ABCC4: variants seen among roughly 807,000 people sequenced by gnomAD.
ABCC4 encodes ATP binding cassette subfamily C member 4 (PEL blood group).
ABCC4 carries 102 observed loss-of-function variants against 168.5 expected under a neutral mutation model. The observed-to-expected ratio is 0.61, with a 90% confidence interval of 0.52 to 0.71. The LOEUF (loss-of-function observed/expected upper bound fraction) is 0.71. ABCC4 is among the 30% of genes least tolerant of loss of function. ABCC4 has a pLI of 0.00. For missense variants in ABCC4, 1,402 were observed against 1,605.8 expected (o/e 0.87, Z 2.17); for synonymous variants, 617 against 590.7 (o/e 1.04, Z -0.65).
At chr13:95,202,644 CTTTTTT>C (rs10603210) in intron 8 of ABCC4, among the ~76,000 whole-genome samples, 4 of 93,066 alleles carry the variant, frequency 4.3e-5, no homozygotes, top group Admixed American at 2.5e-4. Flanking sequence ...AGAATGTGCA[CTTTTTT>C]TTTTTTTTTT....
intron 21 of ABCC4, among the ~76,000 whole-genome samples, chr13:95,081,812 C>T (rs1236828940): frequency 2.0e-4 from 31 of 151,974 alleles, no homozygotes; most frequent in Admixed American, 2.0e-3. Context: ...ACCAGCCTGG[C>T]CAACATGGTG....
intron 8 of ABCC4, among the ~76,000 whole-genome samples, chr13:95,196,589 GA>G (rs2038430976): frequency 0.016 from 30 of 1,866 alleles, no homozygotes; most frequent in Non-Finnish European, 0.047. Flanking sequence ...AAGGAGGAAG[GA>G]AGGAAGGAAG....
chr13:95,069,420 T>C (rs1289117612), intron 25 of ABCC4, among the ~76,000 whole-genome samples: 2 of 152,116 alleles, frequency 1.3e-5, no homozygotes, highest in Non-Finnish European at 2.9e-5. Flanking sequence ...TGTGGTAAAA[T>C]ACACAAAAGG....
intron 19 of ABCC4, among the ~76,000 whole-genome samples, chr13:95,124,236 A>G (rs1053429892): frequency 1.3e-5 from 2 of 152,216 alleles, no homozygotes; most frequent in Non-Finnish European, 2.9e-5. Context: ...TGGAGAAAGT[A>G]GTCCACAGAA....
At position 95,298,307 on chromosome 13, in the gene ABCC4, A is replaced by C. The variant is rs190486661; in HGVS notation, c.74+2934T>G. 1.1e-4 allele frequency among the ~76,000 whole-genome samples: 16 copies of C among 152,302 alleles called. No homozygotes were observed. In the East Asian group the frequency reaches 3.1e-3, roughly 29 times the overall value. On this transcript the variant is annotated intron_variant, in intron 1 of 30. Coordinates refer to ENST00000645237, the MANE Select transcript of ABCC4 (RefSeq NM_005845.5). ...ACAGAGAAAGACTCCGTCTCAAAAAAAAGAAATAAAGAAATTTTAACAATT... is the reference window on the plus strand; with the variant it reads ...ACAGAGAAAGACTCCGTCTCAAAAACAAGAAATAAAGAAATTTTAACAATT...
intron 27 of ABCC4, among the ~76,000 whole-genome samples, chr13:95,049,114 A>G (rs1462534879): frequency 1.3e-5 from 2 of 152,084 alleles, no homozygotes; most frequent in African/African-American, 4.8e-5. Context: ...CAGGCAGATC[A>G]CTTGAGGTCA....
chr13:95,184,391 GT>G (rs1275497168), intron 11 of ABCC4, among the ~76,000 whole-genome samples: 1 of 152,160 alleles, frequency 6.6e-6, no homozygotes, highest in Non-Finnish European at 1.5e-5. Flanking sequence ...TCACCTAATT[GT>G]TAAAATAGTT....
At chr13:95,249,903 G>A (rs1203713032) in intron 1 of ABCC4, among the ~76,000 whole-genome samples, 1 of 152,140 alleles carries the variant, frequency 6.6e-6, no homozygotes, top group Non-Finnish European at 1.5e-5. Flanking sequence ...ATATTAACAA[G>A]GAGGGATGCC....
chr13:95,020,026 C>T lies in ABCC4; in HGVS notation c.*1549G>A, dbSNP rs2031004880. The T allele has an allele frequency of 6.6e-6, 1 of 152,154 alleles. No individual in the cohort carries two copies. Among genetic ancestry groups the T allele is most frequent in the African/African-American group, 2.4e-5 (1 of 41,430 alleles). The allele number at this position is 152,154 out of a possible 1,614,324, so 9.4% of individuals were successfully genotyped here. ...ATGATCACTGATGCAATTTCAGTCA[C>T]CTAAAATACGAACCATGACTATTAA... On this transcript the variant is annotated 3_prime_UTR_variant, in exon 31 of 31. Coordinates refer to ENST00000645237, the MANE Select transcript of ABCC4 (RefSeq NM_005845.5).
intron 27 of ABCC4, among the ~76,000 whole-genome samples, chr13:95,044,675 T>C (rs1351267684): frequency 6.6e-6 from 1 of 152,200 alleles, no homozygotes; most frequent in Admixed American, 6.5e-5. Context: ...TGCTCCTTTA[T>C]CACCATCAGC....
At chr13:95,106,585 T>C (rs998483179) in intron 20 of ABCC4, among the ~76,000 whole-genome samples, 2 of 151,882 alleles carry the variant, frequency 1.3e-5, no homozygotes, top group African/African-American at 4.8e-5. Flanking sequence ...GACAGTGAGA[T>C]GGTCACCTTC....
intron 4 of ABCC4, among the ~76,000 whole-genome samples, chr13:95,218,876 A>ATG (rs1437418134): frequency 1.5e-5 from 2 of 132,560 alleles, no homozygotes; most frequent in African/African-American, 6.3e-5. Context: ...AAAAGAAAAG[A>ATG]AAAGAGACAG....
intron 6 of ABCC4, among the ~76,000 whole-genome samples, chr13:95,208,608 CTTTTTTTTTTTTTTTTT>C (rs58749262): frequency 5.4e-5 from 4 of 74,636 alleles, no homozygotes; most frequent in Non-Finnish European, 2.3e-5. Context: ...AGCTGTATTT[CTTTTTTTTTTTTTTTTT>C]TTTTTTTTTT....
At chr13:95,056,310 C>T (rs1042512629) in intron 26 of ABCC4, among the ~76,000 whole-genome samples, 17 of 152,178 alleles carry the variant, frequency 1.1e-4, no homozygotes, top group Non-Finnish European at 1.9e-4. Context: ...AGCTCATCTC[C>T]CTGTGTCAAG....
At chr13:95,182,623 C>T (rs1313867489) in intron 11 of ABCC4, among the ~76,000 whole-genome samples, 4 of 152,150 alleles carry the variant, frequency 2.6e-5, no homozygotes, top group African/African-American at 9.7e-5. Flanking sequence ...TAATCAGATG[C>T]TTTAAGTTCA....
At chr13:95,251,839 C>T (rs1007576341) in intron 1 of ABCC4, among the ~76,000 whole-genome samples, 2 of 152,180 alleles carry the variant, frequency 1.3e-5, no homozygotes, top group Non-Finnish European at 2.9e-5. Context: ...TCCACAGTTT[C>T]GCTTTCCACA....
chr13:95,247,562 A>C (rs2040137925), intron 2 of ABCC4, 81 bp downstream of exon 2: 1 of 1,053,220 alleles, frequency 9.5e-7, no homozygotes, highest in Admixed American at 1.9e-5. Flanking sequence ...GGCTCCAGAC[A>C]GGACCCAGGA....
chr13:95,148,290 G>A (rs1029858801), intron 19 of ABCC4, among the ~76,000 whole-genome samples: 4 of 152,116 alleles, frequency 2.6e-5, no homozygotes, highest in African/African-American at 7.2e-5. Flanking sequence ...AGCAGAAAGA[G>A]TTTAAGTAAT....
At chr13:95,108,358 C>A (rs574807105) in intron 20 of ABCC4, among the ~76,000 whole-genome samples, 1 of 152,108 alleles carries the variant, frequency 6.6e-6, no homozygotes, top group Admixed American at 6.5e-5. Context: ...TGGCTGTGTC[C>A]CCACCCAAAT....
Sources: allele counts gnomAD v4.1 joint callset (sites outside exome capture counted in the v4.1 genomes callset), GRCh38; gene constraint gnomAD v4.1.1; transcripts MANE v1.5; gene names NCBI Gene and HGNC (gene_info 2026-07-23, HGNC 2026-07-21).